SPTY2D1: variants seen among roughly 807,000 people sequenced by gnomAD.
SPTY2D1 encodes SPT2 chromatin protein domain containing 1.
In SPTY2D1, 21 loss-of-function variants were observed where a neutral mutation model predicts 64.0. That is an observed-to-expected ratio of 0.33 (90% CI 0.23 to 0.47). The LOEUF (loss-of-function observed/expected upper bound fraction) is 0.47, where lower values mean the gene tolerates loss of function less well. Among genes scored for constraint, SPTY2D1 ranks in the 20% least tolerant of loss-of-function variants. The pLI, the probability that SPTY2D1 is intolerant of heterozygous loss-of-function variation, is 1.00. For missense variants in SPTY2D1, 724 were observed against 837.2 expected, an observed-to-expected ratio of 0.86 and a Z score of 1.67; for synonymous variants, 287 against 286.8, an observed-to-expected ratio of 1.00 and a Z score of -0.01.
intron 3 of SPTY2D1, among the ~76,000 whole-genome samples, chr11:18,614,322 T>C (rs957362707): frequency 6.6e-6 from 1 of 152,112 alleles, no homozygotes; most frequent in Admixed American, 6.5e-5. Context: ...CCTGGGAAGC[T>C]AAGGTGGGAG....
chr11:18,631,661 GA>G (rs140100043), intron 1 of SPTY2D1, among the ~76,000 whole-genome samples: 17 of 138,504 alleles, frequency 1.2e-4, no homozygotes, highest in African/African-American at 4.4e-4. Flanking sequence ...GGCAAAAAAA[GA>G]AAAAAAGCTT....
At chr11:18,622,045 C>T (rs1333600402) in intron 1 of SPTY2D1, among the ~76,000 whole-genome samples, 1 of 111,140 alleles carries the variant, frequency 9.0e-6, no homozygotes, top group East Asian at 3.3e-4. Context: ...CATGGTTGTG[C>T]TATGGCACTC....
rs1854170040 is a variant in SPTY2D1, at chr11:18,609,918, C to T, written c.2001G>A (p.Met667Ile). Reference protein sequence around the residue: ...RLGMQEDLEEMRREEEEMQRR... With the variant: ...RLGMQEDLEEIRREEEEMQRR... ...GTTGCATTTCTTCTTCTTCACGTCT[C>T]ATTTCCTCTAAGTCCTCTTGCATAC... The change falls in exon 6 of 6, where the codon ATG becomes ATA. Residue 667 changes from methionine (M) to isoleucine (I), a missense_variant. By Grantham distance (10) the Met-to-Ile change is conservative. Coordinates refer to ENST00000336349, the MANE Select transcript of SPTY2D1 (RefSeq NM_194285.3). 3.7e-6 allele frequency: 6 copies of T among 1,614,166 alleles called. No individual in the cohort carries two copies. The highest frequency in any genetic ancestry group is 5.1e-6 in the Non-Finnish European group (6 of 1,180,028).
In SPTY2D1 at chr11:18,608,459, C is replaced by G. The variant is rs914662673; in HGVS notation, c.*1402G>C. ...AGGACAATCCCTCCTACTTCCTAAT[C>G]CCCCCCATACAATGGCTTAAGATAG... On this transcript the variant is annotated 3_prime_UTR_variant, in exon 6 of 6. Transcript: ENST00000336349. 3 of 152,172 alleles carry G rather than the reference C, an allele frequency of 2.0e-5. No homozygotes were observed. Among genetic ancestry groups the G allele is most frequent in the Admixed American group, 2.0e-4 (3 of 15,266 alleles). 9.4% of individuals were successfully genotyped at this position (152,172 alleles called of 1,614,324 possible).
rs1360727589 is a variant in SPTY2D1, at chr11:18,607,828, C to CAAAA, written c.*2032_*2033insTTTT. ...CACACAAGGTTAAAACCTGATTCTTCCCACTAAGTTCTGGAAATTTATTCT... is the reference window on the plus strand; with the variant it reads ...CACACAAGGTTAAAACCTGATTCTTCAAAACCACTAAGTTCTGGAAATTTATTCT... On this transcript the variant is annotated 3_prime_UTR_variant, in exon 6 of 6. Transcript: ENST00000336349. 1.3e-4 allele frequency: 20 copies of CAAAA among 152,146 alleles called. No individual in the cohort carries two copies. Among genetic ancestry groups the CAAAA allele is most frequent in the African/African-American group, 3.9e-4 (16 of 41,428 alleles). 9.4% of individuals were successfully genotyped at this position (152,146 alleles called of 1,614,324 possible).
chr11:18,614,003 T>A (rs1433586143), intron 3 of SPTY2D1, among the ~76,000 whole-genome samples: 3 of 152,190 alleles, frequency 2.0e-5, no homozygotes, highest in Non-Finnish European at 4.4e-5. Context: ...CATACATATG[T>A]AAGTCACGTA....
At chr11:18,632,171 GA>G (rs937489996) in intron 1 of SPTY2D1, among the ~76,000 whole-genome samples, 74 of 150,848 alleles carry the variant, frequency 4.9e-4, no homozygotes, top group African/African-American at 1.8e-3. Flanking sequence ...AAAAAAAGAA[GA>G]AGAAGAAATT....
At position 18,625,485 on chromosome 11, in the gene SPTY2D1, T is replaced by C. The variant is rs192701107; in HGVS notation, c.61-8496A>G. ...TATTTACTGGCAATCACACGGTTTA[T>C]AGCAGAGTCTGAATTAGAATCCAGA... On this transcript the variant is annotated intron_variant, in intron 1 of 5. Transcript: ENST00000336349. 8.5e-5 allele frequency among the ~76,000 whole-genome samples: 13 copies of C among 152,276 alleles called. No individual in the cohort carries two copies. The East Asian group carries it at 1.5e-3, about 18-fold the overall frequency.
chr11:18,617,584 C>T (rs1355760414), intron 1 of SPTY2D1, among the ~76,000 whole-genome samples: 5 of 137,026 alleles, frequency 3.6e-5, no homozygotes, highest in Non-Finnish European at 7.6e-5. Flanking sequence ...CGAGATTGTG[C>T]CACTGCACTG....
chr11:18,626,234 A>G (rs1854495555), intron 1 of SPTY2D1, among the ~76,000 whole-genome samples: 1 of 152,154 alleles, frequency 6.6e-6, no homozygotes, highest in Admixed American at 6.5e-5. Flanking sequence ...AGAAAGGTCT[A>G]CAACCAAACT....
At chr11:18,630,719 T>C (rs1354856283) in intron 1 of SPTY2D1, among the ~76,000 whole-genome samples, 1 of 152,234 alleles carries the variant, frequency 6.6e-6, no homozygotes, top group Non-Finnish European at 1.5e-5. Context: ...TAGTTAGTTA[T>C]TGCAAAGCCT....
chr11:18,611,478 T>A lies in SPTY2D1; in HGVS notation c.1963A>T (p.Ser655Cys), dbSNP rs1322997797. The change falls in exon 5 of 6, where the codon AGC (serine) becomes TGC (cysteine). Residue 655 changes from serine (S) to cysteine (C), a missense_variant and splice_region_variant. Coordinates refer to ENST00000336349, the MANE Select transcript of SPTY2D1 (RefSeq NM_194285.3). ...AAGTATGCTAAATTTTATGCTTACC[T>A]CTTTGCTTCTTCCTTCTGCTGCTCT... is the stretch of plus-strand genomic sequence containing the variant. Reference protein sequence around the residue: ...WKEQQKEEAKSLRLGMQEDLE... With the variant: ...WKEQQKEEAKCLRLGMQEDLE... 6.2e-7 allele frequency: 1 copy of A among 1,613,840 alleles called. No individual in the cohort carries two copies. The highest frequency in any genetic ancestry group is 1.7e-5 in the Admixed American group (1 of 60,000).
intron 5 of SPTY2D1, 116 bp from the exon 6 acceptor site, chr11:18,610,070 G>T: frequency 2.4e-6 from 2 of 849,726 alleles, no homozygotes; most frequent in Non-Finnish European, 3.6e-6. Context: ...CTCTCAAAAT[G>T]CCTCAAGGCT....
chr11:18,629,084 T>C (rs1854543977), intron 1 of SPTY2D1, among the ~76,000 whole-genome samples: 1 of 152,212 alleles, frequency 6.6e-6, no homozygotes, highest in African/African-American at 2.4e-5. Context: ...GTTTGCCCTT[T>C]ACCTTTCGGT....
intron 1 of SPTY2D1, among the ~76,000 whole-genome samples, chr11:18,628,432 T>G (rs1854533683): frequency 6.6e-6 from 1 of 152,254 alleles, no homozygotes; most frequent in Non-Finnish European, 1.5e-5. Context: ...AAAGATGTGG[T>G]ACTGGAATGT....
intron 1 of SPTY2D1, among the ~76,000 whole-genome samples, chr11:18,625,353 T>C (rs1424880436): frequency 6.6e-6 from 1 of 152,222 alleles, no homozygotes. Flanking sequence ...TTACTGTTAT[T>C]GTGTTTACAA....
chr11:18,624,594 A>G (rs1220050916), intron 1 of SPTY2D1, among the ~76,000 whole-genome samples: 2 of 152,228 alleles, frequency 1.3e-5, no homozygotes, highest in Non-Finnish European at 2.9e-5. Context: ...ACTTTAAAAC[A>G]TATCTGTTCC....
At chr11:18,618,326 A>C (rs1243344477) in intron 1 of SPTY2D1, among the ~76,000 whole-genome samples, 1 of 152,194 alleles carries the variant, frequency 6.6e-6, no homozygotes, top group East Asian at 1.9e-4. Context: ...AGGTTCCTAT[A>C]ACACCCAAAA....
At chr11:18,631,600 A>G (rs538732518) in intron 1 of SPTY2D1, among the ~76,000 whole-genome samples, 3 of 109,752 alleles carry the variant, frequency 2.7e-5, no homozygotes, top group Non-Finnish European at 6.0e-5. Context: ...TAAAATAGAT[A>G]ACAAAAAAAA....
Sources: gnomAD v4.1 joint callset for allele counts (sites outside exome capture counted in the v4.1 genomes callset) on GRCh38, gnomAD v4.1.1 for gene constraint, MANE v1.5 for transcripts, NCBI Gene and HGNC (gene_info 2026-07-23, HGNC 2026-07-21) for gene names.